CDK13: variants seen among roughly 807,000 people sequenced by gnomAD.
CDK13 encodes cyclin-dependent kinase 13.
In CDK13, 40 loss-of-function variants were observed where a neutral mutation model predicts 137.6. That is an observed-to-expected ratio of 0.29 (90% CI 0.23 to 0.38). CDK13 has a LOEUF of 0.38. Ranked by LOEUF, CDK13 falls within the 10% of genes least tolerant of loss-of-function variation. The probability of loss-of-function intolerance (pLI) is 1.00; values close to 1 mark genes in which losing one functional copy is unlikely to be tolerated. For synonymous variants in CDK13, 869 were observed against 760.1 expected (o/e 1.14, Z -2.36); for missense variants, 1,704 against 1,951.8 (o/e 0.87, Z 2.39).
rs1584101668 is a variant in CDK13 at position 40,095,879 on chromosome 7, C to T, written c.*899C>T. 3 of 152,320 alleles carry T rather than the reference C, an allele frequency of 2.0e-5. No homozygotes were observed. The highest frequency in any genetic ancestry group is 2.0e-4 in the Admixed American group (3 of 15,288). 9.4% of individuals were successfully genotyped at this position (152,320 alleles called of 1,614,324 possible). A position where few individuals can be genotyped will look rare whatever the true frequency, so the allele number is the denominator to read the frequency against. On this transcript the variant is annotated 3_prime_UTR_variant, in exon 14 of 14. Coordinates refer to ENST00000181839, the MANE Select transcript of CDK13 (RefSeq NM_003718.5). The stretch of plus-strand genomic sequence containing the variant: ...GGGCTGTGTTGCCTTTCACTACCAC[C>T]TTCTCTTGATAGGGGAGTGAGAGCA...
chr7:40,025,795 A>G (rs1218994636), intron 5 of CDK13, among the ~76,000 whole-genome samples: 1 of 152,180 alleles, frequency 6.6e-6, no homozygotes, highest in Admixed American at 6.5e-5. Flanking sequence ...TTTTATTGGT[A>G]TTGTTTCCCC....
At chr7:39,980,809 T>G (rs1218621347) in intron 1 of CDK13, among the ~76,000 whole-genome samples, 1 of 152,182 alleles carries the variant, frequency 6.6e-6, no homozygotes, top group Non-Finnish European at 1.5e-5. Flanking sequence ...CTGGAGAAAC[T>G]GTGAGATAAT....
At chr7:39,985,925 A>G (rs1784327695) in intron 1 of CDK13, 1 of 152,266 alleles carries the variant, frequency 6.6e-6, no homozygotes, top group Admixed American at 6.6e-5. Context: ...AGCTTCTTCC[A>G]GAAAATGTGG....
chr7:40,073,057 T>C (rs371248166), intron 9 of CDK13: 8 of 152,234 alleles, frequency 5.3e-5, no homozygotes, highest in South Asian at 2.1e-4. Flanking sequence ...ATTTCTGTTA[T>C]GTGTTTTTCA....
At chr7:40,064,165 T>G (rs1161430225) in intron 9 of CDK13, among the ~76,000 whole-genome samples, 2 of 150,570 alleles carry the variant, frequency 1.3e-5, no homozygotes, top group Non-Finnish European at 2.9e-5. Flanking sequence ...ACGCCTATAA[T>G]CCCAACTACT....
intron 1 of CDK13, among the ~76,000 whole-genome samples, chr7:39,965,878 G>A (rs1376325077): frequency 6.6e-6 from 1 of 152,128 alleles, no homozygotes; most frequent in Non-Finnish European, 1.5e-5. Flanking sequence ...CACTTATGAA[G>A]CTTAGTTTGG....
At chr7:39,953,913 T>G (rs1787321629) in intron 1 of CDK13, among the ~76,000 whole-genome samples, 1 of 152,240 alleles carries the variant, frequency 6.6e-6, no homozygotes, top group Non-Finnish European at 1.5e-5. Context: ...AGACTCAGTT[T>G]CCTAAACTGT....
chr7:39,951,515 G>C lies in CDK13; in HGVS notation c.874G>C (p.Ala292Pro), dbSNP rs1274460334. The stretch of plus-strand genomic sequence containing the variant: ...TAAGTCGTCCAAGGAGCCGCCTTCG[G>C]CCTACAAGGAACCGCCCAAGGCCTA... ...RTKSSKEPPS[A>P]YKEPPKAYRE... Residue 292 changes from alanine (A) to proline (P), a missense_variant, in exon 1 of 14, where the codon GCC (alanine) becomes CCC (proline). Ala to Pro is a conservative substitution (Grantham distance 27). Coordinates refer to ENST00000181839, the MANE Select transcript of CDK13 (RefSeq NM_003718.5). 1 of 1,534,952 alleles carries C rather than the reference G, an allele frequency of 6.5e-7. No individual in the cohort carries two copies. The highest frequency in any genetic ancestry group is 8.7e-7 in the Non-Finnish European group (1 of 1,143,004).
chr7:40,034,629 A>G (rs1409037704), intron 5 of CDK13, among the ~76,000 whole-genome samples: 3 of 150,662 alleles, frequency 2.0e-5, no homozygotes, highest in African/African-American at 7.3e-5. Flanking sequence ...CTGTACATGT[A>G]TATTTGCATA....
intron 5 of CDK13, among the ~76,000 whole-genome samples, chr7:40,039,000 T>C (rs1785545840): frequency 6.6e-6 from 1 of 152,162 alleles, no homozygotes; most frequent in Non-Finnish European, 1.5e-5. Flanking sequence ...TGGCCACAAA[T>C]TTTTATTGTG....
intron 12 of CDK13, among the ~76,000 whole-genome samples, chr7:40,091,103 T>C (rs1786911402): frequency 6.7e-6 from 1 of 148,464 alleles, no homozygotes; most frequent in Non-Finnish European, 1.5e-5. Context: ...CCCAGCACTT[T>C]GGGAGGCTGA....
At chr7:40,013,885 A>T (rs1290769473) in intron 5 of CDK13, among the ~76,000 whole-genome samples, 2 of 152,120 alleles carry the variant, frequency 1.3e-5, no homozygotes, top group Non-Finnish European at 2.9e-5. Flanking sequence ...TGTCTCTGTT[A>T]TAAAAGATGA....
At position 40,088,212 on chromosome 7, in the gene CDK13, C is replaced by T. The variant is rs1786834822; in HGVS notation, c.3116C>T (p.Thr1039Ile). Residue 1039 changes from threonine (T) to isoleucine (I), a missense_variant, in exon 12 of 14, where the codon ACA (threonine) becomes ATA (isoleucine). This residue lies in a region of CDK13 where 475 missense variants were observed against 579.3 expected (regional missense o/e 0.82). Coordinates refer to ENST00000181839, the MANE Select transcript of CDK13 (RefSeq NM_003718.5). ...KQMGMTDDVS[T>I]IKAPRKDLSL... ...ATGGGCATGACTGATGATGTTTCCA[C>T]AATTAAAGCCCCCAGGAAGGACTTG... The T allele has an allele frequency of 6.2e-7, 1 of 1,613,768 alleles. No homozygotes were observed. Among genetic ancestry groups the T allele is most frequent in the Non-Finnish European group, 8.5e-7 (1 of 1,179,944 alleles).
intron 12 of CDK13, 103 bp downstream of exon 12, chr7:40,088,434 T>A: frequency 1.1e-6 from 1 of 911,108 alleles, no homozygotes; most frequent in Non-Finnish European, 1.7e-6. Flanking sequence ...CAATGAAAAT[T>A]AACATTTATT....
In CDK13 at chr7:39,951,376, C is replaced by T. The variant is rs761436036; in HGVS notation, c.735C>T (p.Val245=). 3.8e-5 allele frequency: 57 copies of T among 1,518,994 alleles called. No individual in the cohort carries two copies. The highest frequency in any genetic ancestry group is 4.7e-5 in the Non-Finnish European group (54 of 1,137,948). 94.1% of individuals were successfully genotyped at this position (1,518,994 alleles called of 1,614,324 possible). Residue 245 remains valine (V), a synonymous_variant, in exon 1 of 14, where the codon GTC becomes GTT. Transcript: ENST00000181839. ...HSHSGEERAE[V]AKSGSSSSSG... ...ACAGCGGCGAGGAACGGGCCGAGGT[C>T]GCCAAGAGCGGCAGCAGCAGCAGCA...
chr7:39,980,752 G>A (rs542379067), intron 1 of CDK13, among the ~76,000 whole-genome samples: 1 of 152,262 alleles, frequency 6.6e-6, no homozygotes, highest in Admixed American at 6.5e-5. Flanking sequence ...AAATTTTTAG[G>A]ACACAGTATT....
At chr7:40,019,424 T>G (rs1173758275) in intron 5 of CDK13, among the ~76,000 whole-genome samples, 1 of 152,144 alleles carries the variant, frequency 6.6e-6, no homozygotes, top group Non-Finnish European at 1.5e-5. Flanking sequence ...AGGAATTAGG[T>G]CACACAATTG....
chr7:40,076,269 C>T (rs1193021869), intron 9 of CDK13, among the ~76,000 whole-genome samples: 5 of 152,100 alleles, frequency 3.3e-5, no homozygotes, highest in East Asian at 1.9e-4. Flanking sequence ...AACTAAAATA[C>T]AGAGCAGGAT....
intron 1 of CDK13, chr7:39,986,690 CAG>C (rs1784344477): frequency 1.3e-5 from 2 of 152,134 alleles, no homozygotes; most frequent in Non-Finnish European, 2.9e-5. Context: ...TGAAAAGTAT[CAG>C]AGCCTCAGAT....
Sources: gnomAD v4.1 joint callset for allele counts (sites outside exome capture counted in the v4.1 genomes callset) on GRCh38, gnomAD v4.1.1 for gene constraint, gnomAD v4.1.1 regional missense constraint, MANE v1.5 for transcripts, NCBI Gene and HGNC (gene_info 2026-07-23, HGNC 2026-07-21) for gene names.